Variants in NCAM2 observed in about 807,000 individuals in gnomAD.
The protein encoded by NCAM2 is neural cell adhesion molecule 2, also known as N-CAM-2.
In NCAM2, 30 loss-of-function variants were observed where a neutral mutation model predicts 98.1. The observed-to-expected ratio is 0.31, with a 90% CI of 0.23 to 0.41. NCAM2 has a LOEUF of 0.41. NCAM2 is among the 10% of genes least tolerant of loss of function. NCAM2 has a pLI of 1.00. For missense variants in NCAM2, 867 were observed against 1,005.8 expected (o/e 0.86, Z 1.87); for synonymous variants, 368 against 342.4 (o/e 1.07, Z -0.83).
At chr21:21,143,024 G>A (rs1399300711) in intron 1 of NCAM2, among the ~76,000 whole-genome samples, 6 of 152,042 alleles carry the variant, frequency 3.9e-5, no homozygotes, top group South Asian at 2.1e-4. Flanking sequence ...TATTTTTGCC[G>A]TTGTCCATTT....
At chr21:21,461,702 A>G (rs1982998805) in intron 12 of NCAM2, among the ~76,000 whole-genome samples, 1 of 150,700 alleles carries the variant, frequency 6.6e-6, no homozygotes, top group Admixed American at 6.6e-5. Context: ...TATTTAAAGT[A>G]CTGTTAAAAA....
At chr21:21,072,008 G>T (rs1204406046) in intron 1 of NCAM2, among the ~76,000 whole-genome samples, 1 of 148,370 alleles carries the variant, frequency 6.7e-6, no homozygotes, top group Non-Finnish European at 1.5e-5. Flanking sequence ...CGCCTCCCGG[G>T]TTCACGCCAT....
At chr21:21,302,811 C>T (rs2073761769) in intron 5 of NCAM2, among the ~76,000 whole-genome samples, 1 of 152,094 alleles carries the variant, frequency 6.6e-6, no homozygotes, top group Admixed American at 6.6e-5. Flanking sequence ...GTATGTTCAT[C>T]ACTGCACTAT....
intron 1 of NCAM2, among the ~76,000 whole-genome samples, chr21:21,164,009 C>G (rs1322063876): frequency 6.6e-6 from 1 of 152,100 alleles, no homozygotes; most frequent in Non-Finnish European, 1.5e-5. Flanking sequence ...TTCCTGGAAT[C>G]ACTGCAAGTG....
At chr21:21,392,747 C>T (rs1304917481) in intron 9 of NCAM2, among the ~76,000 whole-genome samples, 3 of 152,056 alleles carry the variant, frequency 2.0e-5, no homozygotes, top group Admixed American at 6.6e-5. Flanking sequence ...CATGTATGTC[C>T]TCTTTTGAGA....
chr21:21,216,035 A>C (rs2069886165), intron 1 of NCAM2, among the ~76,000 whole-genome samples: 1 of 152,170 alleles, frequency 6.6e-6, no homozygotes, highest in South Asian at 2.1e-4. Flanking sequence ...TGTTCTTTCA[A>C]AGACCTGAGA....
chr21:21,256,056 T>TA (rs1333494517), intron 1 of NCAM2, among the ~76,000 whole-genome samples: 1 of 152,100 alleles, frequency 6.6e-6, no homozygotes, highest in Non-Finnish European at 1.5e-5. Context: ...AATGGAGATA[T>TA]AAAAAATAAT....
At chr21:21,250,979 A>G (rs571110627) in intron 1 of NCAM2, among the ~76,000 whole-genome samples, 7 of 152,324 alleles carry the variant, frequency 4.6e-5, no homozygotes, top group Admixed American at 4.6e-4. Context: ...GTCCTCCACT[A>G]GTGCAGAACC....
chr21:21,438,206 A>G (rs1978679604), intron 12 of NCAM2, among the ~76,000 whole-genome samples: 1 of 151,920 alleles, frequency 6.6e-6, no homozygotes, highest in Non-Finnish European at 1.5e-5. Flanking sequence ...ATGATTTTGA[A>G]TACACTTATT....
chr21:21,519,570 T>C (rs1178028670), intron 16 of NCAM2, among the ~76,000 whole-genome samples: 3 of 32,776 alleles, frequency 9.2e-5, no homozygotes, highest in Non-Finnish European at 1.7e-4. Context: ...ACCCTGTTAT[T>C]TGTTAATTTG....
intron 1 of NCAM2, among the ~76,000 whole-genome samples, chr21:21,142,405 G>A (rs1164724832): frequency 8.4e-6 from 1 of 119,574 alleles, no homozygotes; most frequent in East Asian, 2.7e-4. Context: ...TTGAGATAGA[G>A]TCTCACCCTG....
chr21:21,080,261 T>G (rs1186172272), intron 1 of NCAM2, among the ~76,000 whole-genome samples: 1 of 152,162 alleles, frequency 6.6e-6, no homozygotes, highest in African/African-American at 2.4e-5. Flanking sequence ...TTAAAGCTAT[T>G]ATAAACAGAT....
intron 1 of NCAM2, among the ~76,000 whole-genome samples, chr21:21,264,661 A>G (rs1224461556): frequency 6.6e-6 from 1 of 150,454 alleles, no homozygotes; most frequent in Non-Finnish European, 1.5e-5. Context: ...GTGCATATAT[A>G]TATATACACA....
At chr21:21,327,603 TAA>T (rs1313958068) in intron 6 of NCAM2, among the ~76,000 whole-genome samples, 3 of 152,310 alleles carry the variant, frequency 2.0e-5, no homozygotes, top group Non-Finnish European at 4.4e-5. Flanking sequence ...TGAATGGGTA[TAA>T]GAGATCTCTT....
intron 1 of NCAM2, among the ~76,000 whole-genome samples, chr21:21,173,284 T>C (rs1027255367): frequency 1.3e-5 from 2 of 152,208 alleles, no homozygotes; most frequent in Non-Finnish European, 2.9e-5. Context: ...TTCAATGGAA[T>C]TAAATGTGAC....
intron 5 of NCAM2, among the ~76,000 whole-genome samples, chr21:21,312,813 A>AT (rs982540202): frequency 5.3e-5 from 8 of 151,886 alleles, no homozygotes; most frequent in East Asian, 3.8e-4. Context: ...TTCTTTAAAT[A>AT]TTTTTTAAAT....
At chr21:21,081,667 G>A (rs1056301872) in intron 1 of NCAM2, among the ~76,000 whole-genome samples, 20 of 151,896 alleles carry the variant, frequency 1.3e-4, no homozygotes, top group African/African-American at 4.6e-4. Flanking sequence ...CAGGCGTGGC[G>A]GTGCGTGCCT....
Position 21,518,996 on chromosome 21 carries a change from T to C in NCAM2, c.2282+9941T>C, listed in dbSNP as rs112807088. Among the ~76,000 whole-genome samples the C allele has an allele frequency of 7.1e-3, 1,080 of 152,216 alleles. 14 individuals carry two copies. The highest frequency in any genetic ancestry group is 0.025 in the African/African-American group (1,042 of 41,564). On this transcript the variant is annotated intron_variant, in intron 16 of 17. Coordinates refer to ENST00000400546, the MANE Select transcript of NCAM2 (RefSeq NM_004540.5). Reference sequence around the variant, plus strand: ...TTAAGGGTGGGTAATAAGGAGCTGGTAATACAACAATCAAGGGACAGAACA... The same window carrying C: ...TTAAGGGTGGGTAATAAGGAGCTGGCAATACAACAATCAAGGGACAGAACA...
At chr21:21,448,157 A>G (rs1045888049) in intron 12 of NCAM2, among the ~76,000 whole-genome samples, 2 of 152,164 alleles carry the variant, frequency 1.3e-5, no homozygotes, top group South Asian at 4.1e-4. Context: ...ATGCCCATCA[A>G]TGATAGACTG....
Sources: gnomAD v4.1 joint callset for allele counts (sites outside exome capture counted in the v4.1 genomes callset) on GRCh38, gnomAD v4.1.1 for gene constraint, MANE v1.5 for transcripts, NCBI Gene and HGNC (gene_info 2026-07-23, HGNC 2026-07-21) for gene names.